KIAA1328: variants seen among roughly 807,000 people sequenced by gnomAD.
KIAA1328 encodes protein hinderin.
Under a neutral mutation model 68.1 loss-of-function variants are expected in KIAA1328, and 52 were observed. The ratio of observed to expected loss-of-function variants is 0.76; its 90% CI spans 0.61 to 0.96. The LOEUF is 0.96. Ranked by LOEUF, KIAA1328 falls within the 40% of genes least tolerant of loss-of-function variation. The pLI, the probability that KIAA1328 is intolerant of heterozygous loss-of-function variation, is 0.00. For synonymous variants in KIAA1328, 232 were observed against 239.4 expected, an observed-to-expected ratio of 0.97 and a Z score of 0.28; for missense variants, 641 against 677.6, an observed-to-expected ratio of 0.95 and a Z score of 0.60.
chr18:37,166,772 C>T (rs949636391), intron 8 of KIAA1328, among the ~76,000 whole-genome samples: 3 of 152,132 alleles, frequency 2.0e-5, no homozygotes, highest in Admixed American at 6.5e-5. Flanking sequence ...TCCTTGAAAA[C>T]ACTGAAAATC....
intron 6 of KIAA1328, among the ~76,000 whole-genome samples, chr18:37,055,575 A>G (rs2055875989): frequency 6.6e-6 from 1 of 152,226 alleles, no homozygotes; most frequent in Non-Finnish European, 1.5e-5. Flanking sequence ...GTTGCATCAC[A>G]TATTTTCTGT....
At chr18:36,910,639 G>GT (rs1362543430) in intron 5 of KIAA1328, among the ~76,000 whole-genome samples, 1 of 152,126 alleles carries the variant, frequency 6.6e-6, no homozygotes, top group Non-Finnish European at 1.5e-5. Flanking sequence ...CTTTAAAGTA[G>GT]TTTTTTCTAA....
chr18:36,888,392 G>C (rs911870996), intron 5 of KIAA1328, among the ~76,000 whole-genome samples: 1 of 152,152 alleles, frequency 6.6e-6, no homozygotes, highest in East Asian at 1.9e-4. Flanking sequence ...GAAAGGAAAG[G>C]AAAAGATATG....
chr18:36,890,157 G>A (rs1190101445), intron 5 of KIAA1328, among the ~76,000 whole-genome samples: 2 of 151,482 alleles, frequency 1.3e-5, no homozygotes, highest in Non-Finnish European at 2.9e-5. Context: ...TTACATGGGT[G>A]GTCATTTTAG....
chr18:37,172,004 A>T (rs934161957), intron 8 of KIAA1328, among the ~76,000 whole-genome samples: 1 of 152,248 alleles, frequency 6.6e-6, no homozygotes, highest in South Asian at 2.1e-4. Context: ...GCTAATCGCT[A>T]TAGCTGTAAG....
intron 7 of KIAA1328, among the ~76,000 whole-genome samples, chr18:37,097,066 C>T (rs1450141299): frequency 6.6e-6 from 1 of 152,160 alleles, no homozygotes; most frequent in Non-Finnish European, 1.5e-5. Context: ...TGTGCAGAAG[C>T]TCTTTAGTTT....
At chr18:36,897,909 T>A (rs1290616920) in intron 5 of KIAA1328, among the ~76,000 whole-genome samples, 1 of 152,080 alleles carries the variant, frequency 6.6e-6, no homozygotes, top group Non-Finnish European at 1.5e-5. Flanking sequence ...TTTAAAAAAA[T>A]TATATGGAAA....
chr18:36,954,022 G>A (rs1310087567), intron 5 of KIAA1328, among the ~76,000 whole-genome samples: 57 of 87,236 alleles, frequency 6.5e-4, no homozygotes, highest in African/African-American at 1.7e-3. Context: ...TTGAGACGGA[G>A]TCTCGCTCTG....
chr18:36,968,780 G>T (rs1011122343), intron 6 of KIAA1328, among the ~76,000 whole-genome samples: 7 of 152,162 alleles, frequency 4.6e-5, no homozygotes, highest in Admixed American at 3.9e-4. Flanking sequence ...GGACCAAATG[G>T]ATCTGATAGA....
intron 6 of KIAA1328, 147 bp from the exon 7 acceptor site, chr18:37,066,743 T>A: frequency 1.4e-6 from 1 of 703,618 alleles, no homozygotes; most frequent in Non-Finnish European, 2.3e-6. Context: ...CAAGTCTGTT[T>A]AGCTGTGTGA....
At chr18:36,984,335 G>A (rs2052819985) in intron 6 of KIAA1328, among the ~76,000 whole-genome samples, 1 of 152,070 alleles carries the variant, frequency 6.6e-6, no homozygotes, top group Non-Finnish European at 1.5e-5. Context: ...TTTATAAATA[G>A]CATGACCATC....
chr18:37,034,588 A>C (rs1466769188), intron 6 of KIAA1328, among the ~76,000 whole-genome samples: 1 of 152,196 alleles, frequency 6.6e-6, no homozygotes, highest in East Asian at 1.9e-4. Flanking sequence ...CTCTTAATAC[A>C]AATAACCTTG....
chr18:36,895,889 G>A (rs189263633), intron 5 of KIAA1328: 600 of 405,634 alleles, frequency 1.5e-3, no homozygotes, highest in Non-Finnish European at 2.0e-3. Flanking sequence ...CCTGTGTGAG[G>A]CCACAGCAAG....
At chr18:36,978,795 C>T (rs906115438) in intron 6 of KIAA1328, among the ~76,000 whole-genome samples, 2 of 152,132 alleles carry the variant, frequency 1.3e-5, no homozygotes, top group African/African-American at 2.4e-5. Context: ...AGATTGTAGT[C>T]CCATAGTTGC....
chr18:36,918,574 G>T (rs1237877431), intron 5 of KIAA1328, among the ~76,000 whole-genome samples: 1 of 151,754 alleles, frequency 6.6e-6, no homozygotes, highest in Non-Finnish European at 1.5e-5. Context: ...CACCATGCCT[G>T]GCTAACTGTT....
At chr18:37,025,762 G>C (rs1481575560) in intron 6 of KIAA1328, among the ~76,000 whole-genome samples, 1 of 152,134 alleles carries the variant, frequency 6.6e-6, no homozygotes, top group Non-Finnish European at 1.5e-5. Context: ...ATGCCCACAA[G>C]AGAAAGCAGG....
chr18:36,979,369 T>A (rs2052595953), intron 6 of KIAA1328, among the ~76,000 whole-genome samples: 1 of 151,974 alleles, frequency 6.6e-6, no homozygotes, highest in African/African-American at 2.4e-5. Context: ...TTAAATCTAG[T>A]CTAAATCAAT....
rs187072581 is a variant in KIAA1328 at position 37,172,035 on chromosome 18, T to C, written c.1415-938T>C. Among the ~76,000 whole-genome samples, 28 of 152,354 alleles carry C rather than the reference T, an allele frequency of 1.8e-4. No individual in the cohort carries two copies. In the East Asian group the frequency reaches 4.2e-3, roughly 23 times the overall value. ...GTAAGACTCTAGCCTTCTCTATGCCTGATGATTTCAGGTTGCACGCAACCT... is the reference window on the plus strand; with the variant it reads ...GTAAGACTCTAGCCTTCTCTATGCCCGATGATTTCAGGTTGCACGCAACCT... On this transcript the variant is annotated intron_variant, in intron 8 of 9. Transcript: ENST00000280020.
chr18:37,079,361 A>T (rs538343080), intron 7 of KIAA1328, among the ~76,000 whole-genome samples: 2 of 128,310 alleles, frequency 1.6e-5, no homozygotes, highest in South Asian at 4.5e-4. Flanking sequence ...GGATAGCTTT[A>T]GGAGATATAC....
Sources: allele counts gnomAD v4.1 joint callset (sites outside exome capture counted in the v4.1 genomes callset), GRCh38; gene constraint gnomAD v4.1.1; transcripts MANE v1.5; gene names NCBI Gene and HGNC (gene_info 2026-07-23, HGNC 2026-07-21).